Variants in ZNF236 observed in about 807,000 individuals in gnomAD.
The protein encoded by ZNF236 is zinc finger protein 236, also known as regulated by glucose.
Under a neutral mutation model 191.2 loss-of-function variants are expected in ZNF236, and 50 were observed. The observed-to-expected ratio is 0.26, with a 90% CI of 0.21 to 0.33. ZNF236 has a LOEUF of 0.33. Ranked by LOEUF, ZNF236 falls within the 10% of genes least tolerant of loss-of-function variation. ZNF236 has a pLI of 1.00. For synonymous variants in ZNF236, 907 were observed against 928.8 expected, an observed-to-expected ratio of 0.98 and a Z score of 0.43; for missense variants, 1,754 against 2,374.5, an observed-to-expected ratio of 0.74 and a Z score of 5.43.
intron 1 of ZNF236, among the ~76,000 whole-genome samples, chr18:76,832,321 T>C (rs2122400849): frequency 6.6e-6 from 1 of 152,300 alleles, no homozygotes; most frequent in East Asian, 1.9e-4. Context: ...CCTCAGGTGG[T>C]CCGCCCACCT....
intron 3 of ZNF236, among the ~76,000 whole-genome samples, chr18:76,854,682 G>A (rs569500654): frequency 4.6e-5 from 7 of 151,470 alleles, no homozygotes; most frequent in South Asian, 2.1e-4. Flanking sequence ...TTTAAATATT[G>A]TAAGTAATAT....
chr18:76,858,656 A>T (rs1976120140), intron 3 of ZNF236, among the ~76,000 whole-genome samples: 1 of 147,132 alleles, frequency 6.8e-6, no homozygotes, highest in African/African-American at 2.5e-5. Flanking sequence ...GTGGAGGAGG[A>T]AGGGGGAAAG....
Position 76,880,348 on chromosome 18 carries a change from A to G in ZNF236, c.1188+32A>G. ...CACGCTTCCCTGCGGTGTGAGGCTT[A>G]CGTGCTCGTGCTGGGTCAGAAACCA... On this transcript the variant is annotated intron_variant, in intron 8 of 30. Transcript: ENST00000320610. This position sits in a 1 kb window ranked among gnomAD's most constrained non-coding sequence, Gnocchi z 5.0. 6.4e-7 allele frequency: 1 copy of G among 1,574,156 alleles called. No individual in the cohort carries two copies. The highest frequency in any genetic ancestry group is 8.7e-7 in the Non-Finnish European group (1 of 1,154,358).
At chr18:76,860,994 CTG>C (rs566008226) in intron 3 of ZNF236, among the ~76,000 whole-genome samples, 61 of 152,226 alleles carry the variant, frequency 4.0e-4, no homozygotes, top group African/African-American at 1.4e-3. Context: ...TTCCTTGGCA[CTG>C]TGTGTCTGTG....
chr18:76,826,688 A>G (rs926802214), intron 1 of ZNF236, among the ~76,000 whole-genome samples: 2 of 150,122 alleles, frequency 1.3e-5, no homozygotes, highest in African/African-American at 2.4e-5. Context: ...AGTCGCAGCT[A>G]CTTGGGAGTG....
Position 76,908,552 on chromosome 18 carries a change from C to A in ZNF236, c.2530C>A (p.Gln844Lys). The change falls in exon 14 of 31, where the codon CAG (glutamine) becomes AAG (lysine). Residue 844 changes from glutamine to lysine, a missense_variant. Gln to Lys is a moderately conservative substitution (Grantham distance 53). Coordinates refer to ENST00000320610, the MANE Select transcript of ZNF236 (RefSeq NM_001306089.2). ...AGGGCTGGGCCAGCAGTTGGCAGAT[C>A]AGCCCCTGGAAGCAGATGAAGGTAA... is the stretch of plus-strand genomic sequence containing the variant. ...EAGLGQQLAD[Q>K]PLEADEDGFV... is the part of the protein sequence containing the mutation. The A allele has an allele frequency of 6.2e-7, 1 of 1,609,998 alleles. No individual in the cohort carries two copies. The highest frequency in any genetic ancestry group is 8.5e-7 in the Non-Finnish European group (1 of 1,178,268).
chr18:76,864,297 T>A (rs1976335617), intron 3 of ZNF236, among the ~76,000 whole-genome samples: 1 of 151,804 alleles, frequency 6.6e-6, no homozygotes, highest in Non-Finnish European at 1.5e-5. Flanking sequence ...TCTCCTGGAT[T>A]CAAGCAATTC....
intron 25 of ZNF236, among the ~76,000 whole-genome samples, chr18:76,933,240 G>A (rs547609621): frequency 4.6e-5 from 7 of 152,240 alleles, no homozygotes; most frequent in African/African-American, 1.7e-4. Flanking sequence ...AGGCCGAGGC[G>A]GGCGGATCAC....
At chr18:76,952,097 G>A (rs921098565) in intron 27 of ZNF236, among the ~76,000 whole-genome samples, 2 of 152,144 alleles carry the variant, frequency 1.3e-5, no homozygotes, top group African/African-American at 2.4e-5. Context: ...GAAATATTGC[G>A]AGAATTACCA....
At position 76,954,926 on chromosome 18, in the gene ZNF236, G is replaced by A. The variant is rs569740232; in HGVS notation, c.4915-1059G>A. Among the ~76,000 whole-genome samples the A allele has an allele frequency of 3.3e-5, 5 of 152,088 alleles. No homozygotes were observed. In the South Asian group the frequency reaches 8.3e-4, roughly 25 times the overall value. ...GCACAGATTAATAATATAGCACCCT[G>A]TATAAATCTTTTTTGTTGTTTAAGT... is the stretch of plus-strand genomic sequence containing the variant. On this transcript the variant is annotated intron_variant, in intron 27 of 30. Transcript: ENST00000320610.
In ZNF236 at chr18:76,925,998, C is replaced by T. The variant is rs1345419507; in HGVS notation, c.4027+444C>T. Among the ~76,000 whole-genome samples, 3 of 152,108 alleles carry T rather than the reference C, an allele frequency of 2.0e-5. No individual in the cohort carries two copies. The highest frequency in any genetic ancestry group is 2.4e-5 in the African/African-American group (1 of 41,418). On this transcript the variant is annotated intron_variant, in intron 22 of 30. Transcript: ENST00000320610. This position sits in a 1 kb window ranked among gnomAD's most constrained non-coding sequence, Gnocchi z 5.7. ...TTGTGTGCCTGTGAGTAAATGCAGC[C>T]GTTGTACATGGCAGTCAGATGTCCT...
rs1398936796 is a variant in ZNF236 at position 76,908,720 on chromosome 18, A to G, written c.2551+147A>G. ...AAAGAGATTGAATTGAGTATTTGAT[A>G]TCATTCCATGTCCTCTTAAATTAGA... On this transcript the variant is annotated intron_variant, in intron 14 of 30. Coordinates refer to ENST00000320610, the MANE Select transcript of ZNF236 (RefSeq NM_001306089.2). 12 of 1,007,818 alleles carry G rather than the reference A, an allele frequency of 1.2e-5. No homozygotes were observed. The East Asian group carries it at 2.7e-4, about 23-fold the overall frequency. 62.4% of individuals were successfully genotyped at this position (1,007,818 alleles called of 1,614,324 possible).
intron 3 of ZNF236, among the ~76,000 whole-genome samples, chr18:76,852,783 C>T (rs996122735): frequency 3.9e-5 from 6 of 152,142 alleles, no homozygotes; most frequent in African/African-American, 7.2e-5. Context: ...TATTTTCTTC[C>T]GGAGACAGAA....
chr18:76,941,078 A>G (rs1968123219), intron 26 of ZNF236, among the ~76,000 whole-genome samples: 1 of 152,166 alleles, frequency 6.6e-6, no homozygotes, highest in African/African-American at 2.4e-5. Context: ...AAATCCGTGG[A>G]AAAATTTTCT....
At chr18:76,887,754 C>A (rs1364131068) in intron 9 of ZNF236, among the ~76,000 whole-genome samples, 1 of 152,128 alleles carries the variant, frequency 6.6e-6, no homozygotes, top group Non-Finnish European at 1.5e-5. Flanking sequence ...AACCATTAGG[C>A]CCCGTGAGAC....
At chr18:76,862,211 C>A (rs1239142716) in intron 3 of ZNF236, among the ~76,000 whole-genome samples, 1 of 152,060 alleles carries the variant, frequency 6.6e-6, no homozygotes, top group African/African-American at 2.4e-5. Context: ...TTTGAAGAAG[C>A]CTGCAGCCTT....
In ZNF236 at chr18:76,925,055, T is replaced by C; in HGVS notation, c.3662-134T>C. On this transcript the variant is annotated intron_variant, in intron 21 of 30. Transcript: ENST00000320610. The surrounding 1 kb of genome is among the most constrained non-coding windows in gnomAD (Gnocchi z 5.7). ...TGTGACGTCCGTAACATCTTATAGGTGAAAGGGATTCTCATTAAAGTACTT... is the reference window on the plus strand; with the variant it reads ...TGTGACGTCCGTAACATCTTATAGGCGAAAGGGATTCTCATTAAAGTACTT... 4 of 1,332,126 alleles carry C rather than the reference T, an allele frequency of 3.0e-6. No individual in the cohort carries two copies. The highest frequency in any genetic ancestry group is 1.0e-6 in the Non-Finnish European group (1 of 978,128). 82.5% of individuals were successfully genotyped at this position (1,332,126 alleles called of 1,614,324 possible). A position where few individuals can be genotyped will look rare whatever the true frequency, so the allele number is the denominator to read the frequency against.
At chr18:76,869,266 C>G (rs1411819763) in intron 4 of ZNF236, among the ~76,000 whole-genome samples, 1 of 152,210 alleles carries the variant, frequency 6.6e-6, no homozygotes, top group African/African-American at 2.4e-5. Context: ...AACAGAACCT[C>G]ATTTCATCAT....
intron 3 of ZNF236, among the ~76,000 whole-genome samples, chr18:76,861,142 G>A (rs1232786501): frequency 2.0e-5 from 3 of 152,212 alleles, no homozygotes; most frequent in Non-Finnish European, 4.4e-5. Flanking sequence ...TAACGTGTTG[G>A]CAATATGTTG....
Sources: gnomAD v4.1 joint callset for allele counts (sites outside exome capture counted in the v4.1 genomes callset) on GRCh38, gnomAD v4.1.1 for gene constraint, Gnocchi (gnomAD v3.1) non-coding constraint, MANE v1.5 for transcripts, NCBI Gene and HGNC (gene_info 2026-07-23, HGNC 2026-07-21) for gene names.